Variants in ATP9A observed in about 807,000 individuals in gnomAD.
The protein encoded by ATP9A is ATPase phospholipid transporting 9A, also known as probable phospholipid-transporting ATPase IIA.
Under a neutral mutation model 144.1 loss-of-function variants are expected in ATP9A, and 52 were observed. The observed-to-expected ratio is 0.36, with a 90% CI of 0.29 to 0.45. The LOEUF is 0.45. ATP9A is among the 20% of genes least tolerant of loss of function. The pLI, the probability that ATP9A is intolerant of heterozygous loss-of-function variation, is 1.00. For missense variants in ATP9A, 947 were observed against 1,392.7 expected (o/e 0.68, Z 5.09); for synonymous variants, 582 against 557.4 (o/e 1.04, Z -0.62).
At chr20:51,751,684 T>G (rs2077832668) in intron 1 of ATP9A, among the ~76,000 whole-genome samples, 1 of 152,054 alleles carries the variant, frequency 6.6e-6, no homozygotes, top group Non-Finnish European at 1.5e-5. Context: ...GCCTCCCGGG[T>G]TCACGCCATT....
chr20:51,740,438 G>A lies in ATP9A; in HGVS notation c.69-10460C>T, dbSNP rs181300822. 3.8e-3 allele frequency among the ~76,000 whole-genome samples: 549 copies of A among 143,886 alleles called. 5 individuals are homozygous for A. Among genetic ancestry groups the A allele is most frequent in the African/African-American group, 0.014 (530 of 38,802 alleles). The allele number at this position is 143,886 out of a possible 152,430, so 94.4% of individuals were successfully genotyped here. On this transcript the variant is annotated intron_variant, in intron 1 of 27. Transcript: ENST00000338821. Reference sequence around the variant, plus strand: ...GATTCCTGTCTGGCAGGCCAGGCGCGGTGGCTCACACCTGTATTCCCAGCA... The same window carrying A: ...GATTCCTGTCTGGCAGGCCAGGCGCAGTGGCTCACACCTGTATTCCCAGCA...
At chr20:51,618,529 A>G in intron 21 of ATP9A, 133 bp downstream of exon 21, 1 of 1,295,324 alleles carries the variant, frequency 7.7e-7, no homozygotes, top group Non-Finnish European at 1.0e-6. Flanking sequence ...TGAGAGGTGG[A>G]GAAAAATCAT....
At chr20:51,659,580 A>T (rs1282487614) in intron 13 of ATP9A, among the ~76,000 whole-genome samples, 1 of 152,188 alleles carries the variant, frequency 6.6e-6, no homozygotes, top group Non-Finnish European at 1.5e-5. Flanking sequence ...CAGCCAACTG[A>T]ATTGTGGAGG....
At chr20:51,740,695 C>T (rs546260850) in intron 1 of ATP9A, among the ~76,000 whole-genome samples, 12 of 149,894 alleles carry the variant, frequency 8.0e-5, no homozygotes, top group Admixed American at 2.0e-4. Flanking sequence ...CAGCCTCCCA[C>T]GTGGCTGGGA....
At chr20:51,690,402 A>G (rs1227732134) in intron 8 of ATP9A, among the ~76,000 whole-genome samples, 1 of 152,168 alleles carries the variant, frequency 6.6e-6, no homozygotes, top group Non-Finnish European at 1.5e-5. Context: ...CCTGGGCAAC[A>G]GAGCAAGACT....
At chr20:51,626,696 T>A (rs1225700080) in intron 17 of ATP9A, among the ~76,000 whole-genome samples, 2 of 149,666 alleles carry the variant, frequency 1.3e-5, no homozygotes, top group East Asian at 3.9e-4. Flanking sequence ...TCCAAGAGAA[T>A]GATTTATGCC....
At chr20:51,632,699 G>A (rs1247984412) in intron 15 of ATP9A, among the ~76,000 whole-genome samples, 1 of 152,010 alleles carries the variant, frequency 6.6e-6, no homozygotes, top group African/African-American at 2.4e-5. Context: ...AAGCCCCAGA[G>A]GCCCAGTTCC....
intron 13 of ATP9A, among the ~76,000 whole-genome samples, chr20:51,665,151 CAAAAGG>C (rs1269700092): frequency 6.6e-6 from 1 of 151,858 alleles, no homozygotes; most frequent in African/African-American, 2.4e-5. Context: ...CGGCCAGACA[CAAAAGG>C]TCACATATTG....
intron 4 of ATP9A, among the ~76,000 whole-genome samples, chr20:51,700,589 G>A (rs368654052): frequency 6.6e-6 from 1 of 152,212 alleles, no homozygotes; most frequent in East Asian, 1.9e-4. Context: ...CCAACACTTT[G>A]GGAGGCCGAG....
intron 4 of ATP9A, among the ~76,000 whole-genome samples, chr20:51,703,639 C>T (rs755565764): frequency 6.6e-6 from 1 of 152,158 alleles, no homozygotes; most frequent in Non-Finnish European, 1.5e-5. Flanking sequence ...TGGATGACAG[C>T]TTCAGAATAA....
At chr20:51,638,069 T>TTA (rs1555831193) in intron 15 of ATP9A, among the ~76,000 whole-genome samples, 3 of 73,148 alleles carry the variant, frequency 4.1e-5, no homozygotes, top group African/African-American at 1.7e-4. Flanking sequence ...CATTTCATCA[T>TTA]TTTATATATA....
At chr20:51,640,702 G>A (rs1384197423) in intron 14 of ATP9A, among the ~76,000 whole-genome samples, 1 of 152,156 alleles carries the variant, frequency 6.6e-6, no homozygotes, top group East Asian at 1.9e-4. Context: ...AAGGCATGAG[G>A]GTTGCAAACT....
rs368538567 is a variant in ATP9A at position 51,597,909 on chromosome 20, T to C, written c.*3302A>G. ...GTCACAAAAAAAAAAGGGTTTCACT[T>C]CAGGGGAGTGGAACTGGGATGGGAA... is the stretch of plus-strand genomic sequence containing the variant. On this transcript the variant is annotated 3_prime_UTR_variant, in exon 28 of 28. Coordinates refer to ENST00000338821, the MANE Select transcript of ATP9A (RefSeq NM_006045.3). 1.7e-3 allele frequency: 261 copies of C among 152,114 alleles called. 1 individual carries two copies. The highest frequency in any genetic ancestry group is 5.9e-3 in the African/African-American group (243 of 41,482). 9.4% of individuals were successfully genotyped at this position (152,114 alleles called of 1,614,324 possible). A position where few individuals can be genotyped will look rare whatever the true frequency, so the allele number is the denominator to read the frequency against.
intron 1 of ATP9A, among the ~76,000 whole-genome samples, chr20:51,731,938 G>A (rs1337692796): frequency 6.6e-6 from 1 of 152,014 alleles, no homozygotes; most frequent in Non-Finnish European, 1.5e-5. Context: ...TTCCTTTTCA[G>A]CAACACATTA....
intron 22 of ATP9A, among the ~76,000 whole-genome samples, chr20:51,614,608 C>T (rs963979550): frequency 6.6e-6 from 1 of 152,082 alleles, no homozygotes; most frequent in Non-Finnish European, 1.5e-5. Flanking sequence ...GCCGAATTCT[C>T]TCATTTTAAA....
At chr20:51,729,754 A>T in intron 2 of ATP9A, 80 bp downstream of exon 2, 1 of 1,403,968 alleles carries the variant, frequency 7.1e-7, no homozygotes, top group Non-Finnish European at 9.4e-7. Flanking sequence ...AAAAAATAAC[A>T]TGACATGACA....
rs1367444077 is a variant in ATP9A at position 51,690,739 on chromosome 20, T to G, written c.723A>C (p.Arg241=). The change falls in exon 8 of 28, where the codon CGA becomes CGC. Residue 241 remains arginine, a splice_region_variant and synonymous_variant. Coordinates refer to ENST00000338821, the MANE Select transcript of ATP9A (RefSeq NM_006045.3). ...TCCCATGTGAAGGAAGCTCACTTAC[T>G]CGGGTAAAAGTTCCCACGAAGTTGT... ...DIHNFVGTFT[R]EDSDPPISES... The G allele has an allele frequency of 3.1e-6, 5 of 1,613,014 alleles. No homozygotes were observed. Among genetic ancestry groups the G allele is most frequent in the Non-Finnish European group, 4.2e-6 (5 of 1,179,066 alleles).
chr20:51,646,270 C>A (rs1227053408), intron 14 of ATP9A, among the ~76,000 whole-genome samples: 2 of 152,116 alleles, frequency 1.3e-5, no homozygotes, highest in African/African-American at 4.8e-5. Context: ...GGATGCTGTG[C>A]TTGGGAAATA....
In ATP9A at chr20:51,613,745, T is replaced by C; in HGVS notation, c.2503A>G (p.Ser835Gly). Residue 835 changes from serine (S) to glycine (G), a missense_variant, in exon 23 of 28, where the codon AGC becomes GGC. Coordinates refer to ENST00000338821, the MANE Select transcript of ATP9A (RefSeq NM_006045.3). ...GRLLMVHGRN[S>G]YKRSAALSQF... Reference sequence around the variant, plus strand: ...CTGAGGGCGGCTGACCGCTTGTAGCTGTTCCGGCCATGCACCATAAGCAAC... The same window carrying C: ...CTGAGGGCGGCTGACCGCTTGTAGCCGTTCCGGCCATGCACCATAAGCAAC... The C allele has an allele frequency of 6.2e-7, 1 of 1,614,192 alleles. No individual in the cohort carries two copies. Among genetic ancestry groups the C allele is most frequent in the Non-Finnish European group, 8.5e-7 (1 of 1,180,030 alleles).
Sources: gnomAD v4.1 joint callset for allele counts (sites outside exome capture counted in the v4.1 genomes callset) on GRCh38, gnomAD v4.1.1 for gene constraint, MANE v1.5 for transcripts, NCBI Gene and HGNC (gene_info 2026-07-23, HGNC 2026-07-21) for gene names.